The following PNPLA7 variants were observed in gnomAD, a reference collection of about 807,000 sequenced individuals.
The protein encoded by PNPLA7 is patatin like domain 7, lysophospholipase, also known as patatin-like phospholipase domain-containing protein 7.
Under a neutral mutation model 161.7 loss-of-function variants are expected in PNPLA7, and 153 were observed. That is an observed-to-expected ratio of 0.95 (90% CI 0.83 to 1.08). PNPLA7 has a LOEUF of 1.08. Among genes scored for constraint, PNPLA7 ranks in the 50% least tolerant of loss-of-function variants. The probability of loss-of-function intolerance (pLI) is 0.00; values close to 1 mark genes in which losing one functional copy is unlikely to be tolerated. For synonymous variants in PNPLA7, 809 were observed against 782.1 expected, an observed-to-expected ratio of 1.03 and a Z score of -0.57; for missense variants, 1,739 against 1,856.6, an observed-to-expected ratio of 0.94 and a Z score of 1.16.
In PNPLA7 at chr9:137,523,404, G is replaced by A. The variant is rs566589357; in HGVS notation, c.748-547C>T. ...GTGAGGAGCCACAGTGGCTCACCGC[G>A]TGGATGTGGCCAGCAGAGCTCCACA... On this transcript the variant is annotated intron_variant, in intron 8 of 34. Transcript: ENST00000406427. The surrounding 1 kb of genome is among the most constrained non-coding windows in gnomAD (Gnocchi z 4.4). Among the ~76,000 whole-genome samples, 8 of 152,294 alleles carry A rather than the reference G, an allele frequency of 5.3e-5. No homozygotes were observed. The South Asian group carries it at 6.2e-4, about 12-fold the overall frequency.
intron 14 of PNPLA7, among the ~76,000 whole-genome samples, chr9:137,503,765 A>AGAAAAAAG (rs1282979956): frequency 1.3e-3 from 16 of 12,596 alleles, no homozygotes; most frequent in African/African-American, 4.6e-3. Context: ...AAAAGAAAGA[A>AGAAAAAAG]AAAGAAGAAA....
In PNPLA7 at chr9:137,525,601, C is replaced by CT. The variant is rs576141392; in HGVS notation, c.748-2745dup. Among the ~76,000 whole-genome samples, 47 of 152,240 alleles carry CT rather than the reference C, an allele frequency of 3.1e-4. No individual in the cohort carries two copies. In the East Asian group the frequency reaches 8.3e-3, roughly 27 times the overall value. ...ATGTATTTCTCGGAGAGATCAAACACTTTAATACTTTCACTAATTCTGCTA... is the reference window on the plus strand; with the variant it reads ...ATGTATTTCTCGGAGAGATCAAACACTTTTAATACTTTCACTAATTCTGCTA... On this transcript the variant is annotated intron_variant, in intron 8 of 34. Transcript: ENST00000406427.
rs536310621 is a variant in PNPLA7 at position 137,519,328 on chromosome 9, C to T, written c.1084+589G>A. Reference sequence around the variant, plus strand: ...GCTTCCTCCTCAGATTCAGGCCCCCCGGTTAGCACTCAGAACAGCGGGTGA... The same window carrying T: ...GCTTCCTCCTCAGATTCAGGCCCCCTGGTTAGCACTCAGAACAGCGGGTGA... On this transcript the variant is annotated intron_variant, in intron 11 of 34. Transcript: ENST00000406427. Among the ~76,000 whole-genome samples, 107 of 152,370 alleles carry T rather than the reference C, an allele frequency of 7.0e-4. 1 individual carries two copies. The highest frequency in any genetic ancestry group is 2.3e-3 in the African/African-American group (95 of 41,596).
intron 8 of PNPLA7, among the ~76,000 whole-genome samples, chr9:137,527,859 TC>T (rs1275862344): frequency 6.6e-6 from 1 of 152,208 alleles, no homozygotes; most frequent in Non-Finnish European, 1.5e-5. Context: ...TGGGAAGTAT[TC>T]CCCAGTGAAG....
At position 137,480,318 on chromosome 9, in the gene PNPLA7, C is replaced by T. The variant is rs1832151523; in HGVS notation, c.2574G>A (p.Val858=). 3 of 1,612,158 alleles carry T rather than the reference C, an allele frequency of 1.9e-6. 1 individual carries two copies. Among genetic ancestry groups the T allele is most frequent in the South Asian group, 2.2e-5 (2 of 90,984 alleles). ...IVGLGDQEPT[V]GELERMLEST... The stretch of plus-strand genomic sequence containing the variant: ...CGGCCCTCCCCGTGCTCACCTCGCC[C>T]ACTGTGGGCTCCTGGTCACCCAGGC... The change falls in exon 23 of 35, where the codon GTG becomes GTA. Residue 858 remains valine (V), a synonymous_variant. Coordinates refer to ENST00000406427, the MANE Select transcript of PNPLA7 (RefSeq NM_001098537.3).
chr9:137,511,805 CG>C (rs1194355638), intron 12 of PNPLA7, among the ~76,000 whole-genome samples: 47 of 152,314 alleles, frequency 3.1e-4, no homozygotes, highest in Admixed American at 1.9e-3. Flanking sequence ...GCAGAATTAG[CG>C]AAAGTATTAG....
chr9:137,539,310 TCCAG>T (rs1836062684), intron 8 of PNPLA7, among the ~76,000 whole-genome samples: 1 of 152,118 alleles, frequency 6.6e-6, no homozygotes, highest in African/African-American at 2.4e-5. Flanking sequence ...GCCATTGTAC[TCCAG>T]CCTGGGCAAC....
chr9:137,540,817 G>A lies in PNPLA7; in HGVS notation c.667-95C>T, dbSNP rs771622868. On this transcript the variant is annotated intron_variant, in intron 7 of 34. Coordinates refer to ENST00000406427, the MANE Select transcript of PNPLA7 (RefSeq NM_001098537.3). This position sits in a 1 kb window ranked among gnomAD's most constrained non-coding sequence, Gnocchi z 5.1. The stretch of plus-strand genomic sequence containing the variant: ...GCCCAGCCCAGGGCAGTGGGGCCAC[G>A]GGCCTGCACCTCTGAGGCGCCATGA... 2.8e-4 allele frequency: 312 copies of A among 1,110,136 alleles called. 1 individual carries two copies. Among genetic ancestry groups the A allele is most frequent in the East Asian group, 1.1e-3 (43 of 38,526 alleles). The allele number at this position is 1,110,136 out of a possible 1,614,324, so 68.8% of individuals were successfully genotyped here.
In PNPLA7 at chr9:137,543,348, A is replaced by ACGGC; in HGVS notation, c.506+80_506+83dup. The ACGGC allele has an allele frequency of 6.4e-7, 1 of 1,556,196 alleles. No individual in the cohort carries two copies. The stretch of plus-strand genomic sequence containing the variant: ...TTGCCAACCATTCCCCCAACACAAG[A>ACGGC]CGGCCAAGCTGGAGCCAGGCCCCAG... On this transcript the variant is annotated intron_variant, in intron 6 of 34. Coordinates refer to ENST00000406427, the MANE Select transcript of PNPLA7 (RefSeq NM_001098537.3). The surrounding 1 kb of genome is among the most constrained non-coding windows in gnomAD (Gnocchi z 6.9).
At chr9:137,530,254 C>T (rs552490178) in intron 8 of PNPLA7, among the ~76,000 whole-genome samples, 1 of 152,376 alleles carries the variant, frequency 6.6e-6, no homozygotes, top group East Asian at 1.9e-4. Context: ...CGTGAGCCAC[C>T]GCACCTGGCC....
chr9:137,481,885 G>A (rs902910487), intron 21 of PNPLA7, among the ~76,000 whole-genome samples: 8 of 152,182 alleles, frequency 5.3e-5, no homozygotes, highest in Non-Finnish European at 1.2e-4. Flanking sequence ...GCAGTGAGCT[G>A]AGATCGCGCC....
At chr9:137,492,631 G>A (rs867546643) in intron 20 of PNPLA7, among the ~76,000 whole-genome samples, 7 of 150,184 alleles carry the variant, frequency 4.7e-5, no homozygotes, top group Middle Eastern at 3.2e-3. Flanking sequence ...CCATGAGCTG[G>A]GTGGGTGGGA....
Position 137,464,266 on chromosome 9 carries a change from C to G in PNPLA7, c.3157-71G>C, listed in dbSNP as rs1375941926. ...TGTCCTGTGTCTGGGGAGGCTGACC[C>G]AGGGCCAAGAGGTGGGGGGCCAGGA... On this transcript the variant is annotated intron_variant, in intron 27 of 34. Coordinates refer to ENST00000406427, the MANE Select transcript of PNPLA7 (RefSeq NM_001098537.3). 3.1e-6 allele frequency: 5 copies of G among 1,608,830 alleles called. No homozygotes were observed. The African/African-American group carries it at 6.7e-5, about 21-fold the overall frequency.
intron 6 of PNPLA7, 95 bp from the exon 7 acceptor site, chr9:137,542,896 G>C: frequency 7.2e-7 from 1 of 1,379,632 alleles, no homozygotes; most frequent in Non-Finnish European, 9.9e-7. Context: ...GACCCCACTG[G>C]CGCCAGGCTT....
At chr9:137,463,731 A>G (rs1159287924) in intron 28 of PNPLA7, among the ~76,000 whole-genome samples, 200 bp from the exon 29 acceptor site, 4 of 151,784 alleles carry the variant, frequency 2.6e-5, no homozygotes, top group African/African-American at 9.7e-5. Context: ...TGTGCCCAGG[A>G]CTTCGAACTG....
intron 30 of PNPLA7, 36 bp from the exon 31 acceptor site, chr9:137,462,367 G>T (rs755731453): frequency 4.5e-6 from 7 of 1,568,632 alleles, no homozygotes; most frequent in Non-Finnish European, 6.1e-6. Flanking sequence ...CTCCTGCCCC[G>T]GCCCCTACCC....
At position 137,547,712 on chromosome 9, in the gene PNPLA7, A is replaced by G. The variant is rs1836616683; in HGVS notation, c.31-53T>C. 2 of 1,544,340 alleles carry G rather than the reference A, an allele frequency of 1.3e-6. No homozygotes were observed. The highest frequency in any genetic ancestry group is 1.8e-6 in the Non-Finnish European group (2 of 1,117,752). ...GGCATGGACAGGCTTCCCAGCCCGA[A>G]CTTGTTCAGAGCAGCAGGAGGAGAG... On this transcript the variant is annotated intron_variant, in intron 1 of 34. Transcript: ENST00000406427. The surrounding 1 kb of genome is among the most constrained non-coding windows in gnomAD (Gnocchi z 4.6).
rs1834921313 is a variant in PNPLA7, at chr9:137,520,325, C to G, written c.958-282G>C. ...GAAATCCAGTTATTCAAGAAAAGGA[C>G]TGGTCTGTTTAAGGCAACCAAGCTC... On this transcript the variant is annotated intron_variant, in intron 10 of 34. Coordinates refer to ENST00000406427, the MANE Select transcript of PNPLA7 (RefSeq NM_001098537.3). The surrounding 1 kb of genome is among the most constrained non-coding windows in gnomAD (Gnocchi z 5.2). 6.6e-6 allele frequency among the ~76,000 whole-genome samples: 1 copy of G among 152,160 alleles called. No individual in the cohort carries two copies. Among genetic ancestry groups the G allele is most frequent in the Admixed American group, 6.5e-5 (1 of 15,274 alleles).
At position 137,464,210 on chromosome 9, in the gene PNPLA7, G is replaced by A. The variant is rs758796236; in HGVS notation, c.3157-15C>T. The A allele has an allele frequency of 5.6e-6, 9 of 1,613,414 alleles. No individual in the cohort carries two copies. In the African/African-American group the frequency reaches 1.2e-4, roughly 22 times the overall value. ...ATCCACAGGTCCTGCGGGCGGACGG[G>A]GCTCAGATGGGCCCTCTCCCATCAC... On this transcript the variant is annotated splice_polypyrimidine_tract_variant and intron_variant, in intron 27 of 34. Coordinates refer to ENST00000406427, the MANE Select transcript of PNPLA7 (RefSeq NM_001098537.3).
Sources: gnomAD v4.1 joint callset for allele counts (sites outside exome capture counted in the v4.1 genomes callset) on GRCh38, gnomAD v4.1.1 for gene constraint, Gnocchi (gnomAD v3.1) non-coding constraint, MANE v1.5 for transcripts, NCBI Gene and HGNC (gene_info 2026-07-23, HGNC 2026-07-21) for gene names.